Variants in OTUD7A observed in about 807,000 individuals in gnomAD.
OTUD7A encodes the protein OTU deubiquitinase 7A, also known as OTU domain-containing protein 7A.
A neutral mutation model predicts 65.7 loss-of-function variants in OTUD7A; 12 were observed. That is an observed-to-expected ratio of 0.18 (90% CI 0.12 to 0.30). OTUD7A has a LOEUF of 0.30. Ranked by LOEUF, OTUD7A falls within the 10% of genes least tolerant of loss-of-function variation. The pLI is 1.00. For synonymous variants in OTUD7A, 641 were observed against 586.3 expected, an observed-to-expected ratio of 1.09 and a Z score of -1.35; for missense variants, 1,148 against 1,304.8, an observed-to-expected ratio of 0.88 and a Z score of 1.85.
intron 1 of OTUD7A, among the ~76,000 whole-genome samples, chr15:31,814,094 C>G (rs1443561843): frequency 6.6e-6 from 1 of 152,222 alleles, no homozygotes; most frequent in Non-Finnish European, 1.5e-5. Flanking sequence ...GTAGCTCATA[C>G]CCACAACAGC....
chr15:31,848,433 A>C (rs1897338578), intron 1 of OTUD7A, among the ~76,000 whole-genome samples: 1 of 151,890 alleles, frequency 6.6e-6, no homozygotes, highest in Non-Finnish European at 1.5e-5. Flanking sequence ...TACTCTAAAA[A>C]ACTGTGCTTT....
At chr15:31,626,266 G>A (rs1447870807) in intron 3 of OTUD7A, among the ~76,000 whole-genome samples, 6 of 152,140 alleles carry the variant, frequency 3.9e-5, no homozygotes, top group African/African-American at 1.4e-4. Context: ...TGTAAGCTAC[G>A]TATCTACAAC....
chr15:31,701,001 G>C (rs1893201546), intron 1 of OTUD7A, among the ~76,000 whole-genome samples: 1 of 152,184 alleles, frequency 6.6e-6, no homozygotes, highest in African/African-American at 2.4e-5. Context: ...GCCTCACCTT[G>C]ATCTAGTTGT....
chr15:31,568,075 TG>T (rs1888932968), intron 4 of OTUD7A, among the ~76,000 whole-genome samples: 1 of 152,180 alleles, frequency 6.6e-6, no homozygotes, highest in African/African-American at 2.4e-5. Flanking sequence ...AGAGTCCTCA[TG>T]GGGGCACTGC....
chr15:31,856,517 G>C (rs1390861166), intron 1 of OTUD7A, among the ~76,000 whole-genome samples: 1 of 152,174 alleles, frequency 6.6e-6, no homozygotes, highest in African/African-American at 2.4e-5. Flanking sequence ...AAAATGCTGA[G>C]AGTGTGGGGT....
In OTUD7A at chr15:31,800,770, TTTTTTG is replaced by T. The variant is rs1202921546; in HGVS notation, c.-100+69731_-100+69736del. On this transcript the variant is annotated intron_variant, in intron 1 of 12. Coordinates refer to ENST00000307050, the MANE Select transcript of OTUD7A (RefSeq NM_001382637.1). ...AGTGGAGGAGAAGCAGCCCCAGCGT[TTTTTTG>T]TTTTTTTCTTATTTATTCTAAGACC... Among the ~76,000 whole-genome samples, 21 of 152,246 alleles carry T rather than the reference TTTTTTG, an allele frequency of 1.4e-4. No homozygotes were observed. In the East Asian group the frequency reaches 4.1e-3, roughly 29 times the overall value.
chr15:31,746,114 A>G (rs1431338905), intron 1 of OTUD7A, among the ~76,000 whole-genome samples: 3 of 152,250 alleles, frequency 2.0e-5, no homozygotes, highest in Non-Finnish European at 4.4e-5. Context: ...ACTCATTTGG[A>G]AAAAGATATG....
intron 1 of OTUD7A, among the ~76,000 whole-genome samples, chr15:31,699,116 G>C (rs1893150817): frequency 7.3e-6 from 1 of 137,714 alleles, no homozygotes; most frequent in South Asian, 2.3e-4. Flanking sequence ...GTCTCGCTTT[G>C]CCACCCAGGC....
chr15:31,489,540 G>T (rs991732350), intron 10 of OTUD7A, among the ~76,000 whole-genome samples: 2 of 152,120 alleles, frequency 1.3e-5, no homozygotes, highest in African/African-American at 2.4e-5. Context: ...TGGCATCCAT[G>T]GTCTGTGGGC....
chr15:31,485,527 G>A (rs1167211959), intron 12 of OTUD7A, among the ~76,000 whole-genome samples: 1 of 152,088 alleles, frequency 6.6e-6, no homozygotes, highest in East Asian at 1.9e-4. Flanking sequence ...CCACTGATGA[G>A]GTCAACCAGT....
intron 8 of OTUD7A, among the ~76,000 whole-genome samples, chr15:31,517,670 G>A (rs1312524661): frequency 6.6e-6 from 1 of 152,158 alleles, no homozygotes; most frequent in Non-Finnish European, 1.5e-5. Flanking sequence ...GGTACTTGAG[G>A]AGGGAGAATT....
At chr15:31,568,864 TC>T (rs1888959146) in intron 4 of OTUD7A, among the ~76,000 whole-genome samples, 1 of 152,198 alleles carries the variant, frequency 6.6e-6, no homozygotes, top group Admixed American at 6.5e-5. Flanking sequence ...AAGTGCCTGT[TC>T]CCCCTTTGCC....
intron 1 of OTUD7A, among the ~76,000 whole-genome samples, chr15:31,773,341 A>C (rs1030956203): frequency 1.1e-4 from 16 of 152,222 alleles, no homozygotes; most frequent in African/African-American, 3.1e-4. Context: ...AATTTCTCAC[A>C]GTTCTGGAGG....
chr15:31,802,726 T>C (rs187475639), intron 1 of OTUD7A, among the ~76,000 whole-genome samples: 3 of 152,238 alleles, frequency 2.0e-5, no homozygotes, highest in African/African-American at 4.8e-5. Context: ...TCTTTTTTAA[T>C]AGACCGGCTT....
intron 1 of OTUD7A, among the ~76,000 whole-genome samples, chr15:31,785,873 C>T (rs561754664): frequency 6.6e-6 from 1 of 152,322 alleles, no homozygotes; most frequent in South Asian, 2.1e-4. Context: ...ACACACAAAG[C>T]AGGTATGGTG....
At chr15:31,524,554 C>T (rs577330540) in intron 8 of OTUD7A, among the ~76,000 whole-genome samples, 2 of 150,840 alleles carry the variant, frequency 1.3e-5, no homozygotes, top group East Asian at 3.9e-4. Flanking sequence ...CCTGTGCTCG[C>T]CTCCCTCCTT....
At chr15:31,598,260 G>A (rs1481188953) in intron 3 of OTUD7A, among the ~76,000 whole-genome samples, 1 of 152,212 alleles carries the variant, frequency 6.6e-6, no homozygotes, top group Non-Finnish European at 1.5e-5. Flanking sequence ...CAGTGAGATC[G>A]ACGCAGAAGG....
At chr15:31,538,087 C>T (rs761065465) in intron 5 of OTUD7A, among the ~76,000 whole-genome samples, 2 of 152,198 alleles carry the variant, frequency 1.3e-5, no homozygotes, top group Non-Finnish European at 2.9e-5. Context: ...GGACTGCTGT[C>T]GCCTGGCTCA....
intron 1 of OTUD7A, among the ~76,000 whole-genome samples, chr15:31,778,698 A>C (rs1895454604): frequency 6.6e-6 from 1 of 152,126 alleles, no homozygotes; most frequent in African/African-American, 2.4e-5. Context: ...AAGTGAAATT[A>C]ATTCGTTGAA....
Sources: gnomAD v4.1 joint callset for allele counts (sites outside exome capture counted in the v4.1 genomes callset) on GRCh38, gnomAD v4.1.1 for gene constraint, MANE v1.5 for transcripts, NCBI Gene and HGNC (gene_info 2026-07-23, HGNC 2026-07-21) for gene names.